The following ARMH3 variants were observed in gnomAD, a reference collection of about 807,000 sequenced individuals.
ARMH3 encodes the protein armadillo-like helical domain-containing protein 3.
Under a neutral mutation model 99.1 loss-of-function variants are expected in ARMH3, and 60 were observed. That is an observed-to-expected ratio of 0.61 (90% CI 0.49 to 0.75). The LOEUF is 0.75. ARMH3 is among the 30% of genes least tolerant of loss of function. The probability of loss-of-function intolerance (pLI) is 0.00; values close to 1 mark genes in which losing one functional copy is unlikely to be tolerated. For missense variants in ARMH3, 679 were observed against 843.1 expected, an observed-to-expected ratio of 0.81 and a Z score of 2.41; for synonymous variants, 285 against 292.8, an observed-to-expected ratio of 0.97 and a Z score of 0.27.
chr10:102,010,166 C>T, intron 11 of ARMH3, 143 bp from the exon 12 acceptor site: 4 of 617,228 alleles, frequency 6.5e-6, no homozygotes, highest in Non-Finnish European at 1.1e-5. Flanking sequence ...GTCACACACA[C>T]CAAAACCAGC....
intron 24 of ARMH3, among the ~76,000 whole-genome samples, chr10:101,874,845 G>C (rs2067222538): frequency 6.6e-6 from 1 of 152,140 alleles, no homozygotes; most frequent in Non-Finnish European, 1.5e-5. Flanking sequence ...AGGTTTATCT[G>C]TCCTTCTTAG....
chr10:102,031,778 C>G (rs1443497710), intron 4 of ARMH3, among the ~76,000 whole-genome samples: 1 of 152,008 alleles, frequency 6.6e-6, no homozygotes, highest in African/African-American at 2.4e-5. Context: ...CTCGCTCTGT[C>G]GCCCAGGCTG....
chr10:101,856,577 AT>A (rs1169313050), intron 24 of ARMH3, among the ~76,000 whole-genome samples: 1 of 152,066 alleles, frequency 6.6e-6, no homozygotes, highest in African/African-American at 2.4e-5. Context: ...AAAAAAAAAA[AT>A]CTCTGGATGA....
chr10:102,037,543 C>G (rs961636102), intron 2 of ARMH3, among the ~76,000 whole-genome samples: 1 of 151,720 alleles, frequency 6.6e-6, no homozygotes, highest in Admixed American at 6.6e-5. Context: ...CTTCTCACAA[C>G]GTCCTCATTT....
chr10:101,999,563 GT>G (rs1305696788), intron 15 of ARMH3, among the ~76,000 whole-genome samples: 1 of 152,120 alleles, frequency 6.6e-6, no homozygotes, highest in Non-Finnish European at 1.5e-5. Flanking sequence ...TAATAAAAAT[GT>G]TCATTAAAAT....
At chr10:102,027,481 TC>T (rs2067026601) in intron 5 of ARMH3, among the ~76,000 whole-genome samples, 1 of 151,898 alleles carries the variant, frequency 6.6e-6, no homozygotes, top group Non-Finnish European at 1.5e-5. Flanking sequence ...AGACAGCTGC[TC>T]CCATTCTGAA....
At chr10:102,051,079 G>T (rs1394453809) in intron 1 of ARMH3, among the ~76,000 whole-genome samples, 1 of 146,396 alleles carries the variant, frequency 6.8e-6, no homozygotes, top group Admixed American at 6.8e-5. Context: ...ACTTGAACCC[G>T]GGAGAGGGAG....
intron 22 of ARMH3, among the ~76,000 whole-genome samples, chr10:101,940,830 A>G (rs1467326097): frequency 6.6e-6 from 1 of 152,136 alleles, no homozygotes; most frequent in Non-Finnish European, 1.5e-5. Flanking sequence ...AGAAATATAG[A>G]CCTGAATATA....
intron 24 of ARMH3, among the ~76,000 whole-genome samples, chr10:101,864,899 G>T (rs930216623): frequency 2.6e-5 from 4 of 151,394 alleles, no homozygotes; most frequent in Non-Finnish European, 5.9e-5. Context: ...AAAAAATCAG[G>T]ACTTTACAAA....
chr10:101,853,661 G>C (rs1399365620), intron 24 of ARMH3, among the ~76,000 whole-genome samples: 1 of 152,142 alleles, frequency 6.6e-6, no homozygotes, highest in African/African-American at 2.4e-5. Context: ...CGGCCGTTGG[G>C]CTTGTGGGCT....
chr10:101,934,970 C>A (rs1590046765), intron 23 of ARMH3, among the ~76,000 whole-genome samples: 1 of 151,730 alleles, frequency 6.6e-6, no homozygotes, highest in East Asian at 1.9e-4. Flanking sequence ...AGTCACACTC[C>A]TCTAAAACAC....
intron 24 of ARMH3, among the ~76,000 whole-genome samples, chr10:101,862,434 G>A (rs1204078220): frequency 6.6e-6 from 1 of 152,016 alleles, no homozygotes; most frequent in Non-Finnish European, 1.5e-5. Context: ...AAAATTAGCT[G>A]GCCGTAGTGG....
At chr10:101,994,063 C>G (rs1846942756) in intron 16 of ARMH3, among the ~76,000 whole-genome samples, 1 of 152,208 alleles carries the variant, frequency 6.6e-6, no homozygotes, top group Non-Finnish European at 1.5e-5. Flanking sequence ...CAGAAGCAAA[C>G]TGCTACACAG....
rs549892690 is a variant in ARMH3, at chr10:101,939,809, A to G, written c.1781+54T>C. ...AACACACTTTACTTAGAAAGGTACA[A>G]TAAACCTCAGGAAGAGCCAAGGAAC... On this transcript the variant is annotated intron_variant, in intron 23 of 25. Coordinates refer to ENST00000370033, the MANE Select transcript of ARMH3 (RefSeq NM_024541.3). The G allele has an allele frequency of 9.4e-6, 14 of 1,490,848 alleles. No homozygotes were observed. The Admixed American group carries it at 1.0e-4, about 11-fold the overall frequency. The allele number at this position is 1,490,848 out of a possible 1,614,324, so 92.4% of individuals were successfully genotyped here.
Position 102,025,279 on chromosome 10 carries a change from A to C in ARMH3, c.415-31T>G, listed in dbSNP as rs540352393. ...AAAGAGAACCAATAAGCATTAAACC[A>C]TACCAGATAACACCCCACCTTTGTC... is the stretch of plus-strand genomic sequence containing the variant. On this transcript the variant is annotated intron_variant, in intron 5 of 25. Coordinates refer to ENST00000370033, the MANE Select transcript of ARMH3 (RefSeq NM_024541.3). 4.4e-6 allele frequency: 7 copies of C among 1,573,070 alleles called. No homozygotes were observed. In the South Asian group the frequency reaches 6.7e-5, roughly 15 times the overall value.
chr10:102,003,709 G>A (rs540158472), intron 14 of ARMH3, among the ~76,000 whole-genome samples: 12 of 152,154 alleles, frequency 7.9e-5, no homozygotes, highest in South Asian at 2.1e-4. Context: ...GAGTTATTAC[G>A]ACATATGCAG....
intron 15 of ARMH3, among the ~76,000 whole-genome samples, chr10:102,000,074 C>T (rs558413216): frequency 1.2e-4 from 18 of 152,000 alleles, no homozygotes; most frequent in Middle Eastern, 3.4e-3. Context: ...GAGCAAGATT[C>T]TGTCTCAAAA....
intron 23 of ARMH3, chr10:101,889,703 G>C (rs1459277522): frequency 5.5e-6 from 3 of 541,638 alleles, no homozygotes; most frequent in Non-Finnish European, 1.0e-5. Flanking sequence ...ACAGAAAATA[G>C]AATCAAGCAT....
At chr10:101,971,186 A>C (rs1845757196) in intron 20 of ARMH3, among the ~76,000 whole-genome samples, 1 of 152,250 alleles carries the variant, frequency 6.6e-6, no homozygotes, top group South Asian at 2.1e-4. Flanking sequence ...CACTCCAAAA[A>C]TAAGACATAG....
Sources: gnomAD v4.1 joint callset for allele counts (sites outside exome capture counted in the v4.1 genomes callset) on GRCh38, gnomAD v4.1.1 for gene constraint, MANE v1.5 for transcripts, NCBI Gene and HGNC (gene_info 2026-07-23, HGNC 2026-07-21) for gene names.